PLEC: variants seen among roughly 807,000 people sequenced by gnomAD.
The protein encoded by PLEC is hemidesmosomal protein 1.
In PLEC, 216 loss-of-function variants were observed where a neutral mutation model predicts 392.8. That is an observed-to-expected ratio of 0.55 (90% CI 0.49 to 0.62). The LOEUF (loss-of-function observed/expected upper bound fraction) is 0.62, where lower values mean the gene tolerates loss of function less well. Ranked by LOEUF, PLEC falls within the 20% of genes least tolerant of loss-of-function variation. PLEC has a pLI of 0.00. For missense variants in PLEC, 6,863 were observed against 6,563.4 expected, an observed-to-expected ratio of 1.05 and a Z score of -1.58; for synonymous variants, 3,621 against 2,980.6, an observed-to-expected ratio of 1.21 and a Z score of -7.00.
rs1193370379 is a variant in PLEC at position 143,973,312 on chromosome 8, C to T, written c.70+91G>A. ...GCCGGCGGAGTGGCCGCGCTCGGGC[C>T]GGCGATCGGGACCGCCACCGTGGAC... On this transcript the variant is annotated intron_variant, in intron 1 of 31. Transcript: ENST00000356346. The surrounding 1 kb of genome is among the most constrained non-coding windows in gnomAD (Gnocchi z 5.6). The T allele has an allele frequency of 3.4e-6, 5 of 1,476,998 alleles. No homozygotes were observed. The African/African-American group carries it at 5.8e-5, about 17-fold the overall frequency. 91.5% of individuals were successfully genotyped at this position (1,476,998 alleles called of 1,614,324 possible).
upstream of PLEC, among the ~76,000 whole-genome samples, chr8:143,976,277 G>C (rs1030566513): frequency 2.0e-5 from 3 of 152,172 alleles, no homozygotes; most frequent in Non-Finnish European, 4.4e-5. Flanking sequence ...AAGAGCACTG[G>C]CGTGCGGGAG....
chr8:143,939,387 C>G lies in PLEC; in HGVS notation c.75G>C (p.Leu25=), dbSNP rs1554726639. ...CAGAGGCCCTGAGCACAGCCAGGTA[C>G]AGGTTGTCCTCCGAGCTGGTTCTCT... The part of the protein sequence containing the change: ...GRKRTSSEDN[L]YLAVLRASEG... Residue 25 remains leucine (L), a synonymous_variant, in exon 1 of 32, where the codon CTG becomes CTC. Coordinates refer to ENST00000345136, the MANE Select transcript of PLEC (RefSeq NM_201384.3). 1.2e-6 allele frequency: 2 copies of G among 1,612,780 alleles called. No homozygotes were observed. Among genetic ancestry groups the G allele is most frequent in the Non-Finnish European group, 1.7e-6 (2 of 1,179,806 alleles).
chr8:143,938,701 G>A lies in PLEC; in HGVS notation c.113-9C>T, dbSNP rs782313263. ...CACACGATCCCGCTCATCTGGGGGA[G>A]ACAAGACCAGCTTACCTGGGGCCTG... On this transcript the variant is annotated splice_polypyrimidine_tract_variant and intron_variant, in intron 1 of 31. Transcript: ENST00000345136. 3.7e-6 allele frequency: 6 copies of A among 1,613,562 alleles called. No homozygotes were observed. Among genetic ancestry groups the A allele is most frequent in the Non-Finnish European group, 4.2e-6 (5 of 1,179,786 alleles).
chr8:143,927,953 C>T lies in PLEC; in HGVS notation c.3300G>A (p.Gly1100=), dbSNP rs1554709079. ...TISLVIRGTQ[G]AEEVLRAHEE... ...CGTGGGCCCTGAGCACCTCCTCGGC[C>T]CCCTGCGTGCCGCGGATCACCAGGC... Residue 1100 remains glycine, a synonymous_variant, in exon 26 of 32, where the codon GGG becomes GGA. Coordinates refer to ENST00000345136, the MANE Select transcript of PLEC (RefSeq NM_201384.3). 3.1e-6 allele frequency: 5 copies of T among 1,601,624 alleles called. No homozygotes were observed. The South Asian group carries it at 3.3e-5, about 11-fold the overall frequency.
chr8:143,959,873 G>A (rs1287412943), intron 1 of PLEC, among the ~76,000 whole-genome samples: 15 of 152,322 alleles, frequency 9.8e-5, no homozygotes, highest in Admixed American at 8.5e-4. Context: ...GCGGGCGCCT[G>A]TAGTCCCAGC....
In PLEC at chr8:143,916,166, C is replaced by CACA. The variant is rs1563914503; in HGVS notation, c.*10_*11insTGT. The CACA allele has an allele frequency of 3.7e-5, 56 of 1,529,756 alleles. No homozygotes were observed. Among genetic ancestry groups the CACA allele is most frequent in the Non-Finnish European group, 4.8e-5 (55 of 1,138,736 alleles). The allele number at this position is 1,529,756 out of a possible 1,614,324, so 94.8% of individuals were successfully genotyped here. A position where few individuals can be genotyped will look rare whatever the true frequency, so the allele number is the denominator to read the frequency against. ...TGGGCCGCATGCAGAGCGGGGTGGG[C>CACA]GCAGGCAGCCTCAGGCCACGGCAGA... is the stretch of plus-strand genomic sequence containing the variant. On this transcript the variant is annotated 3_prime_UTR_variant, in exon 32 of 32. Transcript: ENST00000345136.
At chr8:143,942,469 A>C (rs782509410), upstream of PLEC, 3 of 1,599,990 alleles carry the variant, frequency 1.9e-6, no homozygotes, top group South Asian at 1.1e-5. Context: ...CGGCCGCTCC[A>C]GCAAGACCTC....
upstream of PLEC, among the ~76,000 whole-genome samples, chr8:143,974,019 T>TAAAACAACTCTTTCCACCC (rs1200841551): frequency 6.6e-6 from 1 of 152,150 alleles, no homozygotes; most frequent in Non-Finnish European, 1.5e-5. The surrounding 1 kb of genome is among the most constrained non-coding windows in gnomAD (Gnocchi z 5.9). Flanking sequence ...TGGTGATAAT[T>TAAAACAACTCTTTCCACCC]AAAACAACTC....
Position 143,918,951 on chromosome 8 carries a change from CGAT to C in PLEC, c.10867_10869del (p.Ile3623del), listed in dbSNP as rs1821545076. On this transcript the variant is annotated inframe_deletion, in exon 32 of 32. Transcript: ENST00000345136. ...ATGATCTCTGTCTTCTCAATGATCT[CGAT>C]GATGATGATGATCATGCGTTCCTTG... 4 of 1,610,694 alleles carry C rather than the reference CGAT, an allele frequency of 2.5e-6. No homozygotes were observed. Among genetic ancestry groups the C allele is most frequent in the Non-Finnish European group, 8.5e-7 (1 of 1,179,990 alleles).
In PLEC at chr8:143,927,871, T is replaced by A; in HGVS notation, c.3382A>T (p.Thr1128Ser). The A allele has an allele frequency of 6.3e-7, 1 of 1,590,102 alleles. No individual in the cohort carries two copies. The highest frequency in any genetic ancestry group is 1.3e-5 in the African/African-American group (1 of 74,560). ...AACGATACCTTCAGAGAGGCCTTGG[T>A]GGCCTCGAGCTCCGGGAGGGTGGCC... ...VPATLPELEA[T>S]KASLKKLRAQ... is the part of the protein sequence containing the mutation. Residue 1128 changes from threonine (T) to serine (S), a missense_variant, in exon 26 of 32, where the codon ACC becomes TCC. By Grantham distance (58) the Thr-to-Ser change is moderately conservative. Coordinates refer to ENST00000345136, the MANE Select transcript of PLEC (RefSeq NM_201384.3).
At chr8:143,951,743 G>A (rs1832168686), upstream of PLEC, among the ~76,000 whole-genome samples, 1 of 152,148 alleles carries the variant, frequency 6.6e-6, no homozygotes, top group African/African-American at 2.4e-5. Flanking sequence ...CCGTCTGCAG[G>A]CCAGATGGAT....
chr8:143,964,189 GA>G (rs1305116033), intron 1 of PLEC, among the ~76,000 whole-genome samples: 1 of 152,172 alleles, frequency 6.6e-6, no homozygotes, highest in African/African-American at 2.4e-5. Context: ...ATTTATTTTG[GA>G]AGTGGGGCAG....
chr8:143,934,027 G>T lies in PLEC; in HGVS notation c.1234C>A (p.Leu412Met), dbSNP rs1554720005. ...QMEAGLCEEQLNQADALLQSD... is the reference protein window; with the variant it reads ...QMEAGLCEEQMNQADALLQSD... Reference sequence around the variant, plus strand: ...TGCAGCAGGGCGTCGGCCTGGTTCAGCTGCTCCTCACACAGCCCCGCCTCC... The same window carrying T: ...TGCAGCAGGGCGTCGGCCTGGTTCATCTGCTCCTCACACAGCCCCGCCTCC... The change falls in exon 12 of 32, where the codon CTG becomes ATG. Residue 412 changes from leucine (L) to methionine (M), a missense_variant. By Grantham distance (15) the Leu-to-Met change is conservative (BLOSUM62 2). Transcript: ENST00000345136. The T allele has an allele frequency of 6.2e-7, 1 of 1,611,348 alleles. No individual in the cohort carries two copies. Among genetic ancestry groups the T allele is most frequent in the Admixed American group, 1.7e-5 (1 of 59,962 alleles).
rs143907034 is a variant in PLEC, at chr8:143,928,766, C to T, written c.3260+337G>A. Among the ~76,000 whole-genome samples, 443 of 152,302 alleles carry T rather than the reference C, an allele frequency of 2.9e-3. 1 individual carries two copies. Among genetic ancestry groups the T allele is most frequent in the Non-Finnish European group, 4.5e-3 (306 of 68,010 alleles). ...AAGTCCAGGCCAGGAACAGGACAGA[C>T]GAGAGGCAGGGTGCAGGATTCCTTA... On this transcript the variant is annotated intron_variant, in intron 25 of 31. Coordinates refer to ENST00000345136, the MANE Select transcript of PLEC (RefSeq NM_201384.3).
At position 143,917,320 on chromosome 8, in the gene PLEC, C is replaced by T. The variant is rs376920346; in HGVS notation, c.12501G>A (p.Thr4167=). 21 of 1,609,504 alleles carry T rather than the reference C, an allele frequency of 1.3e-5. No individual in the cohort carries two copies. The highest frequency in any genetic ancestry group is 5.3e-5 in the African/African-American group (4 of 74,914). The change falls in exon 32 of 32, where the codon ACG becomes ACA. Residue 4167 remains threonine (T), a synonymous_variant. Transcript: ENST00000345136. The stretch of plus-strand genomic sequence containing the variant: ...ACTCCTGCTCGGACAGCTCCAGGTA[C>T]GTCTGGTGGTCAATCAGGCCCTTGC... ...AYRKGLIDHQ[T]YLELSEQECE... is the part of the protein sequence containing the mutation.
chr8:143,938,903 GGT>G (rs1323275727), intron 1 of PLEC, among the ~76,000 whole-genome samples: 2 of 152,056 alleles, frequency 1.3e-5, no homozygotes, highest in Non-Finnish European at 2.9e-5. Flanking sequence ...GGCGCCACCA[GGT>G]GCAGCCACCC....
intron 1 of PLEC, among the ~76,000 whole-genome samples, chr8:143,945,678 A>G (rs1831359705): frequency 6.6e-6 from 1 of 152,184 alleles, no homozygotes; most frequent in Non-Finnish European, 1.5e-5. Context: ...GCACGCTGCC[A>G]TCTGAGCCCA....
At chr8:143,948,844 C>T (rs986510959) in intron 1 of PLEC, among the ~76,000 whole-genome samples, 2 of 152,236 alleles carry the variant, frequency 1.3e-5, no homozygotes, top group African/African-American at 2.4e-5. Flanking sequence ...TGCCAAATGA[C>T]CGGGGAGTGG....
In PLEC at chr8:143,919,999, G is replaced by A. The variant is rs372147543; in HGVS notation, c.9822C>T (p.Phe3274=). ...AEQRQELLRQ[F]RTGKVTVEKV... ...TCTCCACGGTGACCTTGCCCGTGCG[G>A]AACTGACGCAACAGCTCCTGCCGCT... The change falls in exon 32 of 32, where the codon TTC becomes TTT. Residue 3274 remains phenylalanine, a synonymous_variant. Transcript: ENST00000345136. The A allele has an allele frequency of 1.9e-6, 3 of 1,613,282 alleles. No homozygotes were observed. The highest frequency in any genetic ancestry group is 4.5e-5 in the East Asian group (2 of 44,888).
Sources: allele counts gnomAD v4.1 joint callset (sites outside exome capture counted in the v4.1 genomes callset), GRCh38; gene constraint gnomAD v4.1.1; non-coding constraint Gnocchi (gnomAD v3.1); transcripts MANE v1.5; gene names NCBI Gene and HGNC (gene_info 2026-07-23, HGNC 2026-07-21).